The following DOCK4 variants were observed in gnomAD, a reference collection of about 807,000 sequenced individuals.
The protein encoded by DOCK4 is dedicator of cytokinesis 4, also known as dedicator of cytokinesis protein 4.
A neutral mutation model predicts 268.1 loss-of-function variants in DOCK4; 97 were observed. That is an observed-to-expected ratio of 0.36 (90% confidence interval 0.31 to 0.43). The LOEUF (loss-of-function observed/expected upper bound fraction) is 0.43. Among genes scored for constraint, DOCK4 ranks in the 20% least tolerant of loss-of-function variants. The probability of loss-of-function intolerance (pLI) is 1.00; values close to 1 mark genes in which losing one functional copy is unlikely to be tolerated. For synonymous variants in DOCK4, 954 were observed against 887.2 expected (o/e 1.08, Z -1.34); for missense variants, 2,145 against 2,455.7 (o/e 0.87, Z 2.67).
intron 1 of DOCK4, among the ~76,000 whole-genome samples, chr7:112,057,496 G>A (rs1189506704): frequency 6.6e-6 from 1 of 151,496 alleles, no homozygotes; most frequent in Non-Finnish European, 1.5e-5. Flanking sequence ...GGCTGTAGTG[G>A]ACCATGATGG....
At chr7:111,885,752 A>C (rs1050229137) in intron 16 of DOCK4, among the ~76,000 whole-genome samples, 3 of 152,208 alleles carry the variant, frequency 2.0e-5, no homozygotes, top group Admixed American at 6.5e-5. Context: ...GAGAGAGATG[A>C]GAACCATCCT....
At position 112,050,018 on chromosome 7, in the gene DOCK4, T is replaced by C. The variant is rs572618731; in HGVS notation, c.38-45887A>G. On this transcript the variant is annotated intron_variant, in intron 1 of 52. Coordinates refer to ENST00000428084, the MANE Select transcript of DOCK4 (RefSeq NM_001363540.2). Reference sequence around the variant, plus strand: ...ATATGATAAGTGTACTCAAACTAGGTAGCTATTTTAAGAATTTAAGAGGAT... The same window carrying C: ...ATATGATAAGTGTACTCAAACTAGGCAGCTATTTTAAGAATTTAAGAGGAT... Among the ~76,000 whole-genome samples the C allele has an allele frequency of 1.3e-4, 20 of 152,196 alleles. 2 individuals carry two copies. The highest frequency in any genetic ancestry group is 4.3e-4 in the African/African-American group (18 of 41,556).
At chr7:112,124,589 G>C (rs1034485184) in intron 1 of DOCK4, among the ~76,000 whole-genome samples, 1 of 152,146 alleles carries the variant, frequency 6.6e-6, no homozygotes, top group African/African-American at 2.4e-5. Context: ...AGTGAAGAGA[G>C]GCCTACCCAC....
intron 1 of DOCK4, among the ~76,000 whole-genome samples, chr7:112,090,557 T>C (rs1390086391): frequency 6.6e-6 from 1 of 152,218 alleles, no homozygotes; most frequent in Non-Finnish European, 1.5e-5. Context: ...GGAGACTCTA[T>C]GATCTTTTTA....
At chr7:111,729,673 A>G (rs1021793750) in intron 52 of DOCK4, among the ~76,000 whole-genome samples, 2 of 152,180 alleles carry the variant, frequency 1.3e-5, no homozygotes, top group Non-Finnish European at 2.9e-5. Flanking sequence ...TGGGGGCGCT[A>G]TTCACTTTCC....
chr7:112,199,630 A>C (rs942504797), intron 1 of DOCK4, among the ~76,000 whole-genome samples: 1 of 152,156 alleles, frequency 6.6e-6, no homozygotes, highest in African/African-American at 2.4e-5. Flanking sequence ...CATATAGTTC[A>C]CTTTTTTAAT....
intron 52 of DOCK4, among the ~76,000 whole-genome samples, chr7:111,730,091 C>T (rs1359675069): frequency 1.3e-5 from 2 of 152,202 alleles, no homozygotes; most frequent in African/African-American, 4.8e-5. Context: ...GTGGGGACTA[C>T]ACCCGGCCTC....
chr7:112,027,262 T>C (rs1802884818), intron 1 of DOCK4, among the ~76,000 whole-genome samples: 1 of 152,176 alleles, frequency 6.6e-6, no homozygotes, highest in Non-Finnish European at 1.5e-5. Context: ...TCTCGCTTTG[T>C]TGCCCAGGGT....
In DOCK4 at chr7:111,846,986, T is replaced by C; in HGVS notation, c.2601+13A>G. 1.2e-6 allele frequency: 2 copies of C among 1,613,086 alleles called. No individual in the cohort carries two copies. The highest frequency in any genetic ancestry group is 1.7e-6 in the Non-Finnish European group (2 of 1,179,236). The stretch of plus-strand genomic sequence containing the variant: ...TTGAAGGGAGCTATATACTATGACC[T>C]GTATTTACTTACTGAGCTATTTTTC... On this transcript the variant is annotated intron_variant, in intron 24 of 52. Transcript: ENST00000428084.
At chr7:112,138,511 T>C (rs1204969184) in intron 1 of DOCK4, among the ~76,000 whole-genome samples, 2 of 152,180 alleles carry the variant, frequency 1.3e-5, no homozygotes, top group African/African-American at 4.8e-5. Context: ...ATTTACATAT[T>C]CAGGCAGCAC....
At chr7:112,157,125 T>A (rs1349554149) in intron 1 of DOCK4, among the ~76,000 whole-genome samples, 1 of 151,756 alleles carries the variant, frequency 6.6e-6, no homozygotes, top group East Asian at 1.9e-4. Context: ...GAGACTCAAA[T>A]TTTTTTTTAA....
At chr7:112,069,683 C>T (rs888116155) in intron 1 of DOCK4, among the ~76,000 whole-genome samples, 2 of 151,982 alleles carry the variant, frequency 1.3e-5, no homozygotes, top group Non-Finnish European at 1.5e-5. Context: ...GGTGGATATA[C>T]GGTGACAAGA....
intron 17 of DOCK4, among the ~76,000 whole-genome samples, chr7:111,873,748 G>A (rs1806620371): frequency 6.6e-6 from 1 of 152,056 alleles, no homozygotes; most frequent in Non-Finnish European, 1.5e-5. Flanking sequence ...ACCAAAGCCA[G>A]ATTCAAGAGA....
chr7:111,857,150 G>GT (rs1171662680), intron 23 of DOCK4, among the ~76,000 whole-genome samples: 1 of 152,146 alleles, frequency 6.6e-6, no homozygotes, highest in Non-Finnish European at 1.5e-5. Context: ...ATCAACTGTA[G>GT]TAAGATTTTA....
chr7:111,858,354 C>T (rs1444102002), intron 23 of DOCK4, among the ~76,000 whole-genome samples: 1 of 152,114 alleles, frequency 6.6e-6, no homozygotes, highest in African/African-American at 2.4e-5. Flanking sequence ...GTCAACTTGT[C>T]TGGGCCATGG....
At chr7:111,732,327 A>G (rs760557494) in intron 51 of DOCK4, 40 bp from the exon 52 acceptor site, 5 of 1,605,004 alleles carry the variant, frequency 3.1e-6, no homozygotes, top group Non-Finnish European at 4.3e-6. Flanking sequence ...ATTAAGAAAA[A>G]CCAGACGATT....
chr7:112,177,923 C>T (rs60651040), intron 1 of DOCK4, among the ~76,000 whole-genome samples: 5,406 of 152,304 alleles, frequency 0.035, 315 homozygotes, highest in African/African-American at 0.12. Flanking sequence ...TGACTGGCCA[C>T]GAGCTCTCAT....
At chr7:111,777,697 G>T (rs1798535866) in intron 36 of DOCK4, among the ~76,000 whole-genome samples, 1 of 152,098 alleles carries the variant, frequency 6.6e-6, no homozygotes, top group Admixed American at 6.6e-5. Flanking sequence ...TGTCATGGGA[G>T]GGACAAGGTG....
chr7:111,867,614 G>T (rs1806080698), intron 22 of DOCK4, among the ~76,000 whole-genome samples: 1 of 152,198 alleles, frequency 6.6e-6, no homozygotes, highest in Non-Finnish European at 1.5e-5. Flanking sequence ...CAAGTTGACA[G>T]ATTAAAATGC....
Sources: gnomAD v4.1 joint callset for allele counts (sites outside exome capture counted in the v4.1 genomes callset) on GRCh38, gnomAD v4.1.1 for gene constraint, MANE v1.5 for transcripts, NCBI Gene and HGNC (gene_info 2026-07-23, HGNC 2026-07-21) for gene names.